CNKSR3: variants seen among roughly 807,000 people sequenced by gnomAD.
CNKSR3 encodes the protein connector enhancer of kinase suppressor of ras 3.
Under a neutral mutation model 67.7 loss-of-function variants are expected in CNKSR3, and 36 were observed. The observed-to-expected ratio is 0.53, with a 90% CI of 0.41 to 0.70. The LOEUF is 0.70. CNKSR3 is among the 30% of genes least tolerant of loss of function. CNKSR3 has a pLI of 0.00. For missense variants in CNKSR3, 630 were observed against 695.2 expected (o/e 0.91, Z 1.05); for synonymous variants, 281 against 271.4 (o/e 1.04, Z -0.35).
At chr6:154,490,405 GTATATA>G (rs1031864608) in intron 1 of CNKSR3, among the ~76,000 whole-genome samples, 2 of 151,970 alleles carry the variant, frequency 1.3e-5, no homozygotes, top group Admixed American at 6.6e-5. Flanking sequence ...ATGTATCTAA[GTATATA>G]TATCATATGT....
chr6:154,406,375 G>T lies in CNKSR3; in HGVS notation c.1647C>A (p.Arg549=). Residue 549 remains arginine, a synonymous_variant, in exon 13 of 13, where the codon CGC becomes CGA. Coordinates refer to ENST00000607772, the MANE Select transcript of CNKSR3 (RefSeq NM_173515.4). ...CCTCTCAGTGAGTCAACAGTTTGAGGCGCGTAAACCAGCTGACCAGGAGGG... is the reference window on the plus strand; with the variant it reads ...CCTCTCAGTGAGTCAACAGTTTGAGTCGCGTAAACCAGCTGACCAGGAGGG... The part of the protein sequence containing the change: ...EPSLLVSWFT[R]LKLLTH 9 of 1,613,278 alleles carry T rather than the reference G, an allele frequency of 5.6e-6. No homozygotes were observed. The highest frequency in any genetic ancestry group is 7.6e-6 in the Non-Finnish European group (9 of 1,179,804).
intron 1 of CNKSR3, among the ~76,000 whole-genome samples, chr6:154,466,728 T>TCTTG (rs1786207523): frequency 6.6e-6 from 1 of 151,454 alleles, no homozygotes; most frequent in Non-Finnish European, 1.5e-5. Flanking sequence ...CAAATGATCC[T>TCTTG]CCTGCCTCAT....
intron 1 of CNKSR3, among the ~76,000 whole-genome samples, chr6:154,506,083 G>A (rs1787097055): frequency 6.6e-6 from 1 of 152,200 alleles, no homozygotes; most frequent in Admixed American, 6.5e-5. Flanking sequence ...CTGGATATAA[G>A]TAGGGAATGT....
intron 1 of CNKSR3, among the ~76,000 whole-genome samples, chr6:154,490,114 T>C (rs1192211997): frequency 6.6e-6 from 1 of 152,246 alleles, no homozygotes; most frequent in Non-Finnish European, 1.5e-5. Flanking sequence ...TGAAGAGTTT[T>C]TAATGTTTTC....
chr6:154,479,057 T>C (rs1786511499), intron 1 of CNKSR3, among the ~76,000 whole-genome samples: 1 of 144,014 alleles, frequency 6.9e-6, no homozygotes, highest in South Asian at 2.2e-4. Context: ...CATATTCTTT[T>C]CTGGTTTTGT....
chr6:154,481,039 T>G (rs1466229362), intron 1 of CNKSR3, among the ~76,000 whole-genome samples: 2 of 152,208 alleles, frequency 1.3e-5, no homozygotes, highest in East Asian at 3.8e-4. Flanking sequence ...TTTACTTATT[T>G]ATGCTTATTT....
intron 1 of CNKSR3, among the ~76,000 whole-genome samples, chr6:154,506,549 G>C (rs551405134): frequency 1.3e-5 from 2 of 152,274 alleles, no homozygotes; most frequent in East Asian, 3.9e-4. Flanking sequence ...CCTGGAATAG[G>C]AAGACAATCA....
intron 1 of CNKSR3, among the ~76,000 whole-genome samples, chr6:154,454,972 TA>T (rs1027012974): frequency 6.6e-6 from 1 of 152,076 alleles, no homozygotes; most frequent in African/African-American, 2.4e-5. Flanking sequence ...TGGTTTCACC[TA>T]AAAAATTTTT....
chr6:154,477,476 ATTT>A (rs11342441), intron 1 of CNKSR3, among the ~76,000 whole-genome samples: 109 of 147,260 alleles, frequency 7.4e-4, no homozygotes, highest in Admixed American at 3.3e-3. Context: ...AAGCCCAGCA[ATTT>A]TTTTTTTTTT....
chr6:154,420,640 G>A (rs1405431087), intron 9 of CNKSR3, among the ~76,000 whole-genome samples: 2 of 131,942 alleles, frequency 1.5e-5, no homozygotes, highest in East Asian at 4.6e-4. Flanking sequence ...AGTGAGCCGA[G>A]ATCCCGCCAC....
At chr6:154,420,597 G>A (rs1487413496) in intron 9 of CNKSR3, among the ~76,000 whole-genome samples, 3 of 148,070 alleles carry the variant, frequency 2.0e-5, no homozygotes, top group Non-Finnish European at 3.0e-5. Flanking sequence ...GCTGAGGCAG[G>A]AGAATGGCGT....
At chr6:154,488,162 A>G (rs1786716585) in intron 1 of CNKSR3, among the ~76,000 whole-genome samples, 1 of 152,256 alleles carries the variant, frequency 6.6e-6, no homozygotes, top group African/African-American at 2.4e-5. Flanking sequence ...ATGTTTTTAT[A>G]ATGTTATAGT....
At chr6:154,470,136 T>A (rs1240994296) in intron 1 of CNKSR3, among the ~76,000 whole-genome samples, 1 of 151,100 alleles carries the variant, frequency 6.6e-6, no homozygotes, top group Non-Finnish European at 1.5e-5. Flanking sequence ...CGAGCCATCA[T>A]TCTTTATTTC....
At chr6:154,424,231 A>G in intron 7 of CNKSR3, among the ~76,000 whole-genome samples, 1 of 87,472 alleles carries the variant, frequency 1.1e-5, no homozygotes, top group Non-Finnish European at 2.2e-5. Flanking sequence ...ACTCCGTCTC[A>G]AAAAAAAAAA....
chr6:154,414,816 G>C (rs1584056367), intron 9 of CNKSR3: 2 of 479,278 alleles, frequency 4.2e-6, no homozygotes, highest in East Asian at 1.3e-4. Context: ...AGCAAGGCTG[G>C]GCACGGCGGT....
At chr6:154,410,525 C>A in intron 11 of CNKSR3, 93 bp from the exon 12 acceptor site, 1 of 768,218 alleles carries the variant, frequency 1.3e-6, no homozygotes, top group East Asian at 2.5e-5. Flanking sequence ...CCTCACAATA[C>A]CACACCCACT....
chr6:154,442,862 G>A (rs1785629991), intron 2 of CNKSR3, among the ~76,000 whole-genome samples: 1 of 151,800 alleles, frequency 6.6e-6, no homozygotes, highest in Non-Finnish European at 1.5e-5. Context: ...TACAAATATT[G>A]TCGTAGACAG....
chr6:154,505,510 T>A (rs1340884727), intron 1 of CNKSR3, among the ~76,000 whole-genome samples: 15 of 149,450 alleles, frequency 1.0e-4, no homozygotes, highest in African/African-American at 3.2e-4. Flanking sequence ...TTTTTTTTTT[T>A]TTTTTGAGAC....
In CNKSR3 at chr6:154,450,093, A is replaced by C. The variant is rs756347217; in HGVS notation, c.216+2T>G. The C allele has an allele frequency of 1.9e-6, 3 of 1,613,830 alleles. No individual in the cohort carries two copies. The African/African-American group carries it at 4.0e-5, about 22-fold the overall frequency. On this transcript the variant is annotated splice_donor_variant, in intron 2 of 12. Transcript: ENST00000607772. LOFTEE classifies it high-confidence loss of function. ...GTACAGACCGTCTTTTCCTGAACTA[A>C]CCAGTGCACAGAGAAGGTCCACAGC...
Sources: gnomAD v4.1 joint callset for allele counts (sites outside exome capture counted in the v4.1 genomes callset) on GRCh38, gnomAD v4.1.1 for gene constraint, MANE v1.5 for transcripts, NCBI Gene and HGNC (gene_info 2026-07-23, HGNC 2026-07-21) for gene names.